RFC1: variants seen among roughly 807,000 people sequenced by gnomAD.
RFC1 encodes replication factor C subunit 1.
RFC1 carries 37 observed loss-of-function variants against 137.4 expected under a neutral mutation model. That is an observed-to-expected ratio of 0.27 (90% CI 0.21 to 0.35). The LOEUF (loss-of-function observed/expected upper bound fraction) is 0.35. RFC1 is among the 10% of genes least tolerant of loss of function. RFC1 has a pLI of 1.00. For synonymous variants in RFC1, 429 were observed against 455.7 expected, an observed-to-expected ratio of 0.94 and a Z score of 0.75; for missense variants, 1,205 against 1,358.5, an observed-to-expected ratio of 0.89 and a Z score of 1.78.
intron 12 of RFC1, among the ~76,000 whole-genome samples, chr4:39,310,476 T>A (rs1339654848): frequency 6.6e-6 from 1 of 152,230 alleles, no homozygotes; most frequent in South Asian, 2.1e-4. Flanking sequence ...ATGGACCATC[T>A]TGCCATTTGG....
chr4:39,352,179 T>C lies in RFC1; in HGVS notation c.4-703A>G, dbSNP rs568087599. Among the ~76,000 whole-genome samples the C allele has an allele frequency of 3.3e-5, 5 of 152,244 alleles. No homozygotes were observed. In the East Asian group the frequency reaches 7.7e-4, roughly 23 times the overall value. ...AGGCATAGCTGGGGAGAAGACAAAG[T>C]TGGAGAATATGATCCTTGTCTGTGG... is the stretch of plus-strand genomic sequence containing the variant. On this transcript the variant is annotated intron_variant, in intron 1 of 24. Transcript: ENST00000349703.
chr4:39,329,805 T>C (rs1320892652), intron 4 of RFC1, among the ~76,000 whole-genome samples: 9 of 151,894 alleles, frequency 5.9e-5, no homozygotes, highest in Non-Finnish European at 1.3e-4. Context: ...GAGGCCGAGA[T>C]GGGCGGATCA....
chr4:39,294,429 T>A (rs2109583872), intron 22 of RFC1, among the ~76,000 whole-genome samples: 1 of 152,284 alleles, frequency 6.6e-6, no homozygotes, highest in South Asian at 2.1e-4. Context: ...CCCAGCACTT[T>A]CGGAGGCCAA....
intron 9 of RFC1, among the ~76,000 whole-genome samples, chr4:39,318,417 G>A (rs1482575999): frequency 1.3e-5 from 2 of 152,078 alleles, no homozygotes; most frequent in Non-Finnish European, 2.9e-5. Context: ...ATTAATTTAC[G>A]ACACTCATTC....
intron 4 of RFC1, among the ~76,000 whole-genome samples, chr4:39,338,450 T>C (rs937364199): frequency 2.6e-5 from 4 of 152,156 alleles, no homozygotes; most frequent in African/African-American, 7.2e-5. Context: ...ACATATAAAA[T>C]TTCAAATTTT....
In RFC1 at chr4:39,312,766, A is replaced by C; in HGVS notation, c.1369T>G (p.Ser457Ala). 6.2e-7 allele frequency: 1 copy of C among 1,614,110 alleles called. No homozygotes were observed. Among genetic ancestry groups the C allele is most frequent in the Non-Finnish European group, 8.5e-7 (1 of 1,179,990 alleles). ...YLVMGRDSGQ[S>A]KSDKAAALGT... ...GCAGTACCCACCTTATCACTCTTGG[A>C]CTGTCCACTATCACGACCCATGACA... Residue 457 changes from serine to alanine, a missense_variant, in exon 11 of 25, where the codon TCC becomes GCC. This residue lies in a region of RFC1 where 962 missense variants were observed against 1,035.3 expected (regional missense o/e 0.93). Transcript: ENST00000349703.
chr4:39,338,615 C>T (rs1257212850), intron 4 of RFC1, among the ~76,000 whole-genome samples: 1 of 152,098 alleles, frequency 6.6e-6, no homozygotes, highest in African/African-American at 2.4e-5. Flanking sequence ...TGTAGGAAGT[C>T]TTTGAAATCG....
At chr4:39,292,047 C>T (rs62308327) in intron 22 of RFC1, 195 bp from the exon 23 acceptor site, 312 of 547,096 alleles carry the variant, frequency 5.7e-4, no homozygotes, top group Admixed American at 1.5e-3. Context: ...GGGTACACAT[C>T]AATGTGCCCA....
chr4:39,320,249 TGAGGCAGGTGAGTTGCTTGAACC>T, intron 9 of RFC1, 111 bp downstream of exon 9: 1 of 691,798 alleles, frequency 1.4e-6, no homozygotes, highest in South Asian at 2.4e-5. Context: ...CTTGGGAGGC[TGAGGCAGGTGAGTTGCTTGAACC>T]TGGGAGGCAG....
chr4:39,291,601 T>C (rs879499097), intron 23 of RFC1, 38 bp downstream of exon 23: 4 of 1,422,902 alleles, frequency 2.8e-6, no homozygotes, highest in Admixed American at 3.3e-5. Flanking sequence ...AACCTGGTAA[T>C]AGAAAGTGAC....
At position 39,291,840 on chromosome 4, in the gene RFC1, G is replaced by C. The variant is rs1350705586; in HGVS notation, c.2967C>G (p.Ser989Arg). 1 of 1,613,632 alleles carries C rather than the reference G, an allele frequency of 6.2e-7. No individual in the cohort carries two copies. Among genetic ancestry groups the C allele is most frequent in the Admixed American group, 1.7e-5 (1 of 60,008 alleles). Reference protein sequence around the residue: ...ALHMSLRTYSSKRTVNMDYLS... With the variant: ...ALHMSLRTYSRKRTVNMDYLS... ...GATAATCCATGTTTACAGTCCTTTT[G>C]CTGGAGTAAGTTCTGAAACCACAAC... The change falls in exon 23 of 25, where the codon AGC (serine) becomes AGG (arginine). Residue 989 changes from serine to arginine, a missense_variant. By Grantham distance (110) the Ser-to-Arg change is moderately radical (BLOSUM62 -1). Around this residue, in one of 3 missense-constraint regions of RFC1, gnomAD observed 237 missense variants for 304.2 expected, o/e 0.78. Coordinates refer to ENST00000349703, the MANE Select transcript of RFC1 (RefSeq NM_002913.5).
chr4:39,295,792 T>C, intron 21 of RFC1, 33 bp from the exon 22 acceptor site: 4 of 1,595,044 alleles, frequency 2.5e-6, no homozygotes, highest in Non-Finnish European at 3.4e-6. Flanking sequence ...CCAGAATTTA[T>C]GTTCCGTACA....
In RFC1 at chr4:39,366,316, C is replaced by T; in HGVS notation, c.-75G>A. On this transcript the variant is annotated 5_prime_UTR_variant, in exon 1 of 25. Transcript: ENST00000349703. Reference sequence around the variant, plus strand: ...GGAATCTGTTATCGAGGCTCAGGATCCATTCGCGCCAACAACTTCTCCCGC... The same window carrying T: ...GGAATCTGTTATCGAGGCTCAGGATTCATTCGCGCCAACAACTTCTCCCGC... The T allele has an allele frequency of 7.1e-7, 1 of 1,416,396 alleles. No individual in the cohort carries two copies. The highest frequency in any genetic ancestry group is 9.3e-7 in the Non-Finnish European group (1 of 1,074,936). 87.7% of individuals were successfully genotyped at this position (1,416,396 alleles called of 1,614,324 possible).
At chr4:39,354,979 G>A (rs1186462975) in intron 1 of RFC1, among the ~76,000 whole-genome samples, 1 of 151,484 alleles carries the variant, frequency 6.6e-6, no homozygotes, top group Non-Finnish European at 1.5e-5. Flanking sequence ...CTACTCAGGG[G>A]GCTGAGGCAC....
At position 39,308,898 on chromosome 4, in the gene RFC1, T is replaced by C. The variant is rs754103684; in HGVS notation, c.1623A>G (p.Thr541=). ...PTSKRDSLAK[T]IKKETDVFWK... ...AAAACACATCTGTTTCCTTTTTTAT[T>C]GTCTTTGCCAAACTGTCCCTTTTGG... is the stretch of plus-strand genomic sequence containing the variant. The change falls in exon 13 of 25, where the codon ACA becomes ACG. Residue 541 remains threonine, a synonymous_variant. Coordinates refer to ENST00000349703, the MANE Select transcript of RFC1 (RefSeq NM_002913.5). The C allele has an allele frequency of 5.5e-5, 89 of 1,614,076 alleles. No individual in the cohort carries two copies. Among genetic ancestry groups the C allele is most frequent in the Non-Finnish European group, 6.7e-5 (79 of 1,180,032 alleles).
chr4:39,343,941 C>T (rs1740726774), intron 3 of RFC1, among the ~76,000 whole-genome samples: 2 of 151,962 alleles, frequency 1.3e-5, no homozygotes, highest in Admixed American at 1.3e-4. Flanking sequence ...GGTGAAACCC[C>T]TTTTCTACTA....
At chr4:39,303,841 T>A (rs1241373675) in intron 15 of RFC1, among the ~76,000 whole-genome samples, 5 of 152,224 alleles carry the variant, frequency 3.3e-5, no homozygotes, top group Admixed American at 6.5e-5. Context: ...TAATACTCCA[T>A]TCTACACTTG....
chr4:39,306,511 C>A (rs1738667237), intron 14 of RFC1, 81 bp downstream of exon 14: 1 of 736,392 alleles, frequency 1.4e-6, no homozygotes, highest in Admixed American at 2.2e-5. Flanking sequence ...TGCACACGCA[C>A]AGATGTGGGT....
intron 19 of RFC1, among the ~76,000 whole-genome samples, chr4:39,301,123 C>A (rs914648218): frequency 8.3e-4 from 125 of 149,788 alleles, no homozygotes; most frequent in African/African-American, 2.9e-3. Flanking sequence ...AAAACAAAAA[C>A]AAAAAAGTTA....
Sources: gnomAD v4.1 joint callset for allele counts (sites outside exome capture counted in the v4.1 genomes callset) on GRCh38, gnomAD v4.1.1 for gene constraint, gnomAD v4.1.1 regional missense constraint, MANE v1.5 for transcripts, NCBI Gene and HGNC (gene_info 2026-07-23, HGNC 2026-07-21) for gene names.